Variants in RABGAP1L observed in about 807,000 individuals in gnomAD.
RABGAP1L encodes the protein RAB GTPase activating protein 1 like.
RABGAP1L carries 63 observed loss-of-function variants against 137.7 expected under a neutral mutation model. The ratio of observed to expected loss-of-function variants is 0.46; its 90% confidence interval spans 0.37 to 0.56. The LOEUF (loss-of-function observed/expected upper bound fraction) is 0.56, where lower values mean the gene tolerates loss of function less well. Among genes scored for constraint, RABGAP1L ranks in the 20% least tolerant of loss-of-function variants. RABGAP1L has a pLI of 0.00. For synonymous variants in RABGAP1L, 431 were observed against 433.7 expected (o/e 0.99, Z 0.08); for missense variants, 1,095 against 1,244.0 (o/e 0.88, Z 1.80).
intron 19 of RABGAP1L, chr1:174,935,351 G>C (rs949649296): frequency 1.3e-5 from 2 of 152,094 alleles, no homozygotes; most frequent in Non-Finnish European, 2.9e-5. Flanking sequence ...TAGTACTTCT[G>C]ACTTTTTCCA....
At chr1:174,659,746 A>G (rs1431086574) in intron 14 of RABGAP1L, among the ~76,000 whole-genome samples, 1 of 152,194 alleles carries the variant, frequency 6.6e-6, no homozygotes, top group Non-Finnish European at 1.5e-5. Context: ...GCTCTAACAG[A>G]TATCTCAAAT....
intron 13 of RABGAP1L, among the ~76,000 whole-genome samples, chr1:174,416,468 T>C (rs1558215305): frequency 2.0e-5 from 3 of 152,098 alleles, no homozygotes; most frequent in Non-Finnish European, 4.4e-5. Flanking sequence ...AAATTAATAT[T>C]AATGGACTTG....
At chr1:174,931,607 G>T (rs182166895) in intron 19 of RABGAP1L, among the ~76,000 whole-genome samples, 10 of 152,186 alleles carry the variant, frequency 6.6e-5, no homozygotes, top group Non-Finnish European at 1.2e-4. Context: ...TTTGCCTAAA[G>T]GTATTAAAAA....
chr1:174,434,292 T>TCTTTA (rs1277938447), intron 13 of RABGAP1L, among the ~76,000 whole-genome samples: 6 of 152,248 alleles, frequency 3.9e-5, no homozygotes, highest in Admixed American at 1.3e-4. Flanking sequence ...ATCCATGTTA[T>TCTTTA]GTGTGTCTTT....
intron 13 of RABGAP1L, among the ~76,000 whole-genome samples, chr1:174,533,140 A>G (rs1271160258): frequency 6.6e-6 from 1 of 152,220 alleles, no homozygotes; most frequent in African/African-American, 2.4e-5. Flanking sequence ...AGACTGAGGC[A>G]GGAGAATCGC....
At chr1:174,182,578 TATAGTTTAAG>T (rs1666466972) in intron 1 of RABGAP1L, among the ~76,000 whole-genome samples, 1 of 152,194 alleles carries the variant, frequency 6.6e-6, no homozygotes, top group Non-Finnish European at 1.5e-5. Context: ...AATCACAAAT[TATAGTTTAAG>T]CAGTGAAATT....
intron 19 of RABGAP1L, among the ~76,000 whole-genome samples, chr1:174,912,727 T>C (rs1257252286): frequency 6.6e-6 from 1 of 152,216 alleles, no homozygotes; most frequent in East Asian, 1.9e-4. Context: ...TATGTAGTCA[T>C]ATGTTTTTAA....
chr1:174,461,794 T>TTA (rs1447229761), intron 13 of RABGAP1L, among the ~76,000 whole-genome samples: 1 of 152,144 alleles, frequency 6.6e-6, no homozygotes. Flanking sequence ...TACCTATCAT[T>TTA]TAATATAGCT....
intron 19 of RABGAP1L, among the ~76,000 whole-genome samples, chr1:174,812,826 T>C (rs1218660201): frequency 6.6e-6 from 1 of 152,156 alleles, no homozygotes; most frequent in Non-Finnish European, 1.5e-5. Context: ...TGGACCTCAC[T>C]GAGTCAATGA....
At chr1:174,960,400 T>C (rs967156134) in intron 20 of RABGAP1L, among the ~76,000 whole-genome samples, 1 of 152,178 alleles carries the variant, frequency 6.6e-6, no homozygotes, top group Non-Finnish European at 1.5e-5. Context: ...TTATGACATA[T>C]GCAGATATCT....
In RABGAP1L at chr1:174,664,738, T is replaced by A. The variant is rs542330596; in HGVS notation, c.1825-18784T>A. On this transcript the variant is annotated intron_variant, in intron 14 of 25. Transcript: ENST00000681986. ...TTCTTTCTTTCTTTCTGCTTTCTTT[T>A]TTTTTTTTTTTTTTTTTGACAGAGT... 2.2e-5 allele frequency among the ~76,000 whole-genome samples: 3 copies of A among 133,812 alleles called. No homozygotes were observed. The East Asian group carries it at 7.0e-4, about 31-fold the overall frequency. The allele number at this position is 133,812 out of a possible 152,430, so 87.8% of individuals were successfully genotyped here. A position where few individuals can be genotyped will look rare whatever the true frequency, so the allele number is the denominator to read the frequency against.
intron 19 of RABGAP1L, among the ~76,000 whole-genome samples, chr1:174,866,614 A>G (rs1254954670): frequency 6.6e-6 from 1 of 152,138 alleles, no homozygotes; most frequent in African/African-American, 2.4e-5. Flanking sequence ...TGCCTTATAT[A>G]ATAAATACTA....
chr1:174,888,979 T>C (rs1045359260), intron 19 of RABGAP1L, among the ~76,000 whole-genome samples: 5 of 152,186 alleles, frequency 3.3e-5, no homozygotes, highest in Non-Finnish European at 7.3e-5. Flanking sequence ...GCATAAGATA[T>C]GGAATTTATT....
intron 13 of RABGAP1L, among the ~76,000 whole-genome samples, chr1:174,510,478 A>T (rs1402894028): frequency 6.6e-6 from 1 of 152,196 alleles, no homozygotes; most frequent in Non-Finnish European, 1.5e-5. Flanking sequence ...GTTCTGAGCA[A>T]GAGTCCTGTA....
chr1:174,350,065 G>A (rs1461692034), intron 11 of RABGAP1L, among the ~76,000 whole-genome samples: 93 of 134,846 alleles, frequency 6.9e-4, no homozygotes, highest in African/African-American at 2.2e-3. Flanking sequence ...CCTCCCGGAC[G>A]GGGCGGCTGG....
chr1:174,572,040 G>A (rs777272847), intron 13 of RABGAP1L, among the ~76,000 whole-genome samples: 1 of 152,196 alleles, frequency 6.6e-6, no homozygotes, highest in Non-Finnish European at 1.5e-5. Flanking sequence ...TAATGGGACA[G>A]TGACAGCTTA....
intron 5 of RABGAP1L, among the ~76,000 whole-genome samples, chr1:174,246,504 A>G (rs1479527207): frequency 6.6e-6 from 1 of 152,190 alleles, no homozygotes; most frequent in Non-Finnish European, 1.5e-5. Flanking sequence ...CCATGGCTTT[A>G]AAATATTTGA....
intron 2 of RABGAP1L, 47 bp downstream of exon 2, chr1:174,219,342 A>G (rs1037589310): frequency 3.0e-6 from 4 of 1,322,586 alleles, no homozygotes; most frequent in African/African-American, 3.1e-5. Flanking sequence ...ATTAAAAACT[A>G]TTTGAAACTT....
intron 7 of RABGAP1L, among the ~76,000 whole-genome samples, chr1:174,255,215 A>T (rs1316975842): frequency 1.3e-5 from 2 of 152,178 alleles, no homozygotes; most frequent in Non-Finnish European, 2.9e-5. Context: ...CTTAAAATTG[A>T]TGGCTTTCTT....
Sources: allele counts gnomAD v4.1 joint callset (sites outside exome capture counted in the v4.1 genomes callset), GRCh38; gene constraint gnomAD v4.1.1; transcripts MANE v1.5; gene names NCBI Gene and HGNC (gene_info 2026-07-23, HGNC 2026-07-21).